BSCL2: variants seen among roughly 807,000 people sequenced by gnomAD.
The protein encoded by BSCL2 is seipin.
Under a neutral mutation model 57.4 loss-of-function variants are expected in BSCL2, and 41 were observed. The ratio of observed to expected loss-of-function variants is 0.71; its 90% CI spans 0.56 to 0.93. The LOEUF is 0.93. BSCL2 is among the 40% of genes least tolerant of loss of function. The probability of loss-of-function intolerance (pLI) is 0.00; values close to 1 mark genes in which losing one functional copy is unlikely to be tolerated. For missense variants in BSCL2, 539 were observed against 586.7 expected (o/e 0.92, Z 0.84); for synonymous variants, 237 against 227.3 (o/e 1.04, Z -0.38).
intron 3 of BSCL2, among the ~76,000 whole-genome samples, chr11:62,695,915 CTGT>C (rs1945447052): frequency 6.6e-6 from 1 of 151,790 alleles, no homozygotes; most frequent in East Asian, 1.9e-4. Context: ...TGGCTCATGC[CTGT>C]AATCCCAGCA....
At position 62,702,517 on chromosome 11, in the gene BSCL2, CAG is replaced by C. The variant is rs762779983; in HGVS notation, c.435_436del (p.Cys146LeufsTer11). ...CGAGACATTGGCAACAGGGAAGGAGCAGAGTGAGGTGGTGGAGGAATCACAGT... is the reference window on the plus strand; with the variant it reads ...CGAGACATTGGCAACAGGGAAGGAGCAGTGAGGTGGTGGAGGAATCACAGT... On this transcript the variant is annotated frameshift_variant, in exon 3 of 11. Coordinates refer to ENST00000360796, the MANE Select transcript of BSCL2 (RefSeq NM_001122955.4). LOFTEE classifies it high-confidence loss of function. 6.2e-7 allele frequency: 1 copy of C among 1,612,580 alleles called. No individual in the cohort carries two copies. Among genetic ancestry groups the C allele is most frequent in the Non-Finnish European group, 8.5e-7 (1 of 1,178,982 alleles).
At chr11:62,704,779 G>A (rs76096007) in intron 2 of BSCL2, among the ~76,000 whole-genome samples, 4,695 of 152,250 alleles carry the variant, frequency 0.031, 108 homozygotes, top group Non-Finnish European at 0.049. Flanking sequence ...GGCAGGGTTT[G>A]TAAAATGAGA....
At chr11:62,696,366 C>A (rs1945462677) in intron 3 of BSCL2, among the ~76,000 whole-genome samples, 1 of 150,278 alleles carries the variant, frequency 6.7e-6, no homozygotes, top group Non-Finnish European at 1.5e-5. Flanking sequence ...ATGATCATGG[C>A]TCACTGTGCC....
In BSCL2 at chr11:62,696,472, A is replaced by ATTTT. The variant is rs1294350810; in HGVS notation, c.487-1765_487-1762dup. 3.8e-5 allele frequency among the ~76,000 whole-genome samples: 3 copies of ATTTT among 78,618 alleles called. No individual in the cohort carries two copies. In the Admixed American group the frequency reaches 4.7e-4, roughly 12 times the overall value. The allele number at this position is 78,618 out of a possible 152,430, so 51.6% of individuals were successfully genotyped here. A position where few individuals can be genotyped will look rare whatever the true frequency, so the allele number is the denominator to read the frequency against. On this transcript the variant is annotated intron_variant, in intron 3 of 10. Coordinates refer to ENST00000360796, the MANE Select transcript of BSCL2 (RefSeq NM_001122955.4). ...CACATGCAACCACATGCAACTAAAA[A>ATTTT]TTTTTTTTTTTTTTTGGAGAGACAG...
chr11:62,698,777 T>C (rs983014494), intron 3 of BSCL2, among the ~76,000 whole-genome samples: 1 of 152,176 alleles, frequency 6.6e-6, no homozygotes, highest in Non-Finnish European at 1.5e-5. Flanking sequence ...TCACACCTGA[T>C]CGTTTGAGGC....
chr11:62,693,384 G>A (rs896881714), intron 4 of BSCL2, among the ~76,000 whole-genome samples: 1 of 151,992 alleles, frequency 6.6e-6, no homozygotes, highest in African/African-American at 2.4e-5. Context: ...AGCACCTGTA[G>A]TCCCAGCTAC....
Position 62,704,569 on chromosome 11 carries a change from A to C in BSCL2, c.404+732T>G, listed in dbSNP as rs200852554. 4.3e-4 allele frequency among the ~76,000 whole-genome samples: 6 copies of C among 13,840 alleles called. No homozygotes were observed. The Admixed American group carries it at 9.0e-3, about 21-fold the overall frequency. 9.1% of individuals were successfully genotyped at this position (13,840 alleles called of 152,430 possible). On this transcript the variant is annotated intron_variant, in intron 2 of 10. Transcript: ENST00000360796. ...TCAAAAACAAAAACAATAACAAAACAAAAAAAAACCCATCTCTACTAAAAA... is the reference window on the plus strand; with the variant it reads ...TCAAAAACAAAAACAATAACAAAACCAAAAAAAACCCATCTCTACTAAAAA...
chr11:62,709,310 G>A (rs879430050), upstream of BSCL2: 4 of 454,014 alleles, frequency 8.8e-6, no homozygotes, highest in East Asian at 6.9e-5. Flanking sequence ...GTCAAGGATC[G>A]GAGATCAGAG....
rs961234088 is a variant in BSCL2 at position 62,692,669 on chromosome 11, C to T, written c.759G>A (p.Glu253=). Residue 253 remains glutamate (E), a synonymous_variant, in exon 5 of 11, where the codon GAG becomes GAA. Transcript: ENST00000360796. ...LEVELYADYR[E]NSYVPTTGAI... Reference sequence around the variant, plus strand: ...GCTCGTTCACCTCACTCACCGAGTTCTCTCTATAGTCTGCGTAGAGTTCCA... The same window carrying T: ...GCTCGTTCACCTCACTCACCGAGTTTTCTCTATAGTCTGCGTAGAGTTCCA... 3 of 1,614,100 alleles carry T rather than the reference C, an allele frequency of 1.9e-6. No individual in the cohort carries two copies. The Admixed American group carries it at 5.0e-5, about 27-fold the overall frequency.
rs370905417 is a variant in BSCL2, at chr11:62,705,346, T to C, written c.359A>G (p.Tyr120Cys). Residue 120 changes from tyrosine to cysteine, a missense_variant, in exon 2 of 11, where the codon TAT (tyrosine) becomes TGT (cysteine). Transcript: ENST00000360796. ...GCTGAGGTGGCTGACTGTCGGCATATAGGAATAGTAGAAGGAGCCATAGAG... is the reference window on the plus strand; with the variant it reads ...GCTGAGGTGGCTGACTGTCGGCATACAGGAATAGTAGAAGGAGCCATAGAG... The part of the protein sequence containing the change: ...VFLYGSFYYS[Y>C]MPTVSHLSPV... 60 of 1,613,686 alleles carry C rather than the reference T, an allele frequency of 3.7e-5. No homozygotes were observed. Among genetic ancestry groups the C allele is most frequent in the Non-Finnish European group, 4.5e-5 (53 of 1,179,914 alleles).
At chr11:62,706,273 G>C (rs1015126927) in intron 1 of BSCL2, 2 of 1,101,678 alleles carry the variant, frequency 1.8e-6, no homozygotes, top group African/African-American at 3.5e-5. Flanking sequence ...CTCGCGCGCT[G>C]CCAGGGCAAC....
chr11:62,691,744 G>A (rs144929319), intron 6 of BSCL2, among the ~76,000 whole-genome samples: 2 of 152,160 alleles, frequency 1.3e-5, no homozygotes, highest in African/African-American at 2.4e-5. Context: ...CCTTCCTCGG[G>A]GTGCTTTAAA....
intron 3 of BSCL2, among the ~76,000 whole-genome samples, chr11:62,695,085 T>A (rs1945417164): frequency 6.6e-6 from 1 of 152,194 alleles, no homozygotes; most frequent in Admixed American, 6.6e-5. Flanking sequence ...TCTTACATTA[T>A]TAATCAAGCA....
At chr11:62,709,325 C>G (rs568689794), upstream of BSCL2, 5 of 453,788 alleles carry the variant, frequency 1.1e-5, no homozygotes, top group Non-Finnish European at 2.2e-5. Flanking sequence ...TCAGAGGGGT[C>G]GGGGGATGGC....
In BSCL2 at chr11:62,703,026, T is replaced by C. The variant is rs137953549; in HGVS notation, c.405-477A>G. The stretch of plus-strand genomic sequence containing the variant: ...TTAGCGGGGCGTGGTGGCGCATGCC[T>C]GTAATCCCACCTACTCGGGACGCTG... On this transcript the variant is annotated intron_variant, in intron 2 of 10. Transcript: ENST00000360796. Among the ~76,000 whole-genome samples the C allele has an allele frequency of 6.9e-3, 1,048 of 152,052 alleles. 8 individuals are homozygous for C. Among genetic ancestry groups the C allele is most frequent in the Non-Finnish European group, 9.6e-3 (652 of 68,002 alleles).
chr11:62,705,230 G>C (rs1590884873), intron 2 of BSCL2, 71 bp downstream of exon 2: 1 of 1,440,352 alleles, frequency 6.9e-7, no homozygotes, highest in Non-Finnish European at 9.6e-7. Context: ...TGAGGGGATT[G>C]AACTGAATGA....
intron 8 of BSCL2, 48 bp downstream of exon 8, chr11:62,691,027 C>CCAGCT: frequency 1.2e-6 from 2 of 1,608,978 alleles, no homozygotes; most frequent in Non-Finnish European, 1.7e-6. Flanking sequence ...CTGGCCCAGC[C>CCAGCT]CAGCTCAACC....
At chr11:62,700,149 G>A (rs1290712419) in intron 3 of BSCL2, among the ~76,000 whole-genome samples, 1 of 151,152 alleles carries the variant, frequency 6.6e-6, no homozygotes, top group Non-Finnish European at 1.5e-5. Context: ...CAGCTACTTG[G>A]GAGATCACTT....
At position 62,692,859 on chromosome 11, in the gene BSCL2, T is replaced by C. The variant is rs915347129; in HGVS notation, c.631-62A>G. On this transcript the variant is annotated intron_variant, in intron 4 of 10. Coordinates refer to ENST00000360796, the MANE Select transcript of BSCL2 (RefSeq NM_001122955.4). ...CATGCCAGATCCCCATGACCCTACCTACCCCTCAACCACCCCTGAGTAGTC... is the reference window on the plus strand; with the variant it reads ...CATGCCAGATCCCCATGACCCTACCCACCCCTCAACCACCCCTGAGTAGTC... 40 of 1,605,752 alleles carry C rather than the reference T, an allele frequency of 2.5e-5. No homozygotes were observed. In the African/African-American group the frequency reaches 4.5e-4, roughly 18 times the overall value.
Sources: gnomAD v4.1 joint callset for allele counts (sites outside exome capture counted in the v4.1 genomes callset) on GRCh38, gnomAD v4.1.1 for gene constraint, MANE v1.5 for transcripts, NCBI Gene and HGNC (gene_info 2026-07-23, HGNC 2026-07-21) for gene names.